Variants in NRG1 observed in about 807,000 individuals in gnomAD.
The protein encoded by NRG1 is pro-neuregulin-1, membrane-bound isoform.
NRG1 carries 18 observed loss-of-function variants against 63.8 expected under a neutral mutation model. That is an observed-to-expected ratio of 0.28 (90% confidence interval 0.19 to 0.42). The LOEUF (loss-of-function observed/expected upper bound fraction) is 0.42, where lower values mean the gene tolerates loss of function less well. Ranked by LOEUF, NRG1 falls within the 10% of genes least tolerant of loss-of-function variation. NRG1 has a pLI of 1.00. For synonymous variants in NRG1, 302 were observed against 301.3 expected, an observed-to-expected ratio of 1.00 and a Z score of -0.02; for missense variants, 762 against 814.7, an observed-to-expected ratio of 0.94 and a Z score of 0.79.
chr8:32,111,765 G>A (rs1200109959), intron 1 of NRG1, among the ~76,000 whole-genome samples: 4 of 152,232 alleles, frequency 2.6e-5, no homozygotes, highest in African/African-American at 7.2e-5. Flanking sequence ...AAAATTGAGC[G>A]AATCCCAGGA....
intron 1 of NRG1, among the ~76,000 whole-genome samples, chr8:31,828,925 T>C (rs1824841846): frequency 6.6e-6 from 1 of 152,198 alleles, no homozygotes. Flanking sequence ...TGAGTGTCAG[T>C]CATTTATTCA....
chr8:32,050,822 A>G (rs1308320837), intron 1 of NRG1, among the ~76,000 whole-genome samples: 1 of 152,174 alleles, frequency 6.6e-6, no homozygotes, highest in African/African-American at 2.4e-5. Context: ...ATGAAAGTTT[A>G]TGTGACAGAG....
intron 1 of NRG1, among the ~76,000 whole-genome samples, chr8:32,384,813 A>G (rs1251348198): frequency 2.6e-5 from 4 of 152,200 alleles, no homozygotes; most frequent in Non-Finnish European, 5.9e-5. Context: ...AAATTCCCCA[A>G]GTAACTTAGT....
At chr8:32,289,434 T>C (rs1049934832) in intron 1 of NRG1, among the ~76,000 whole-genome samples, 3 of 150,024 alleles carry the variant, frequency 2.0e-5, no homozygotes, top group Admixed American at 2.0e-4. Context: ...TGTTAACGTA[T>C]TAAAAAAAAA....
chr8:32,588,398 AT>A (rs1339883069), intron 1 of NRG1, among the ~76,000 whole-genome samples: 1 of 152,200 alleles, frequency 6.6e-6, no homozygotes, highest in Non-Finnish European at 1.5e-5. Context: ...GTAGCAGTTA[AT>A]TGTGAGAAGT....
chr8:31,647,312 C>T (rs13277456), intron 1 of NRG1, among the ~76,000 whole-genome samples: 74,416 of 152,058 alleles, frequency 0.49, 18,626 homozygotes, highest in African/African-American at 0.57. Context: ...TTCTTGTTTC[C>T]AATATCACAA....
intron 1 of NRG1, among the ~76,000 whole-genome samples, chr8:31,947,686 GTAATCCCA>G (rs1563603630): frequency 6.3e-4 from 96 of 152,132 alleles, no homozygotes; most frequent in African/African-American, 2.3e-3. Context: ...GCTCATGCCT[GTAATCCCA>G]GCATTTTAGG....
At chr8:32,308,472 T>C (rs1182049878) in intron 1 of NRG1, among the ~76,000 whole-genome samples, 2 of 152,218 alleles carry the variant, frequency 1.3e-5, no homozygotes, top group Non-Finnish European at 2.9e-5. Context: ...TTACTCATTG[T>C]TATGTCTTTG....
chr8:31,941,120 C>T (rs538908819), intron 1 of NRG1, among the ~76,000 whole-genome samples: 1 of 152,158 alleles, frequency 6.6e-6, no homozygotes, highest in African/African-American at 2.4e-5. Context: ...GTCAGTATCC[C>T]TGATGAACAT....
intron 1 of NRG1, among the ~76,000 whole-genome samples, chr8:32,159,848 A>G (rs1002507971): frequency 2.0e-5 from 3 of 152,088 alleles, no homozygotes; most frequent in East Asian, 1.9e-4. Flanking sequence ...TTAGAGATCA[A>G]CCGTTTCATG....
intron 1 of NRG1, among the ~76,000 whole-genome samples, chr8:32,455,076 G>A (rs796853345): frequency 2.6e-4 from 39 of 152,216 alleles, no homozygotes; most frequent in African/African-American, 7.9e-4. Flanking sequence ...ATCTTGGTTC[G>A]TGTAAGGACA....
At chr8:32,527,458 A>G (rs576019565) in intron 1 of NRG1, among the ~76,000 whole-genome samples, 4 of 152,142 alleles carry the variant, frequency 2.6e-5, no homozygotes, top group Admixed American at 2.6e-4. Flanking sequence ...TGGGAGCTAA[A>G]TATGTGTACC....
intron 1 of NRG1, among the ~76,000 whole-genome samples, chr8:31,925,454 C>G (rs1365337424): frequency 6.6e-6 from 1 of 151,848 alleles, no homozygotes; most frequent in East Asian, 1.9e-4. Context: ...TACTTTATGA[C>G]AAATTTATCG....
intron 1 of NRG1, among the ~76,000 whole-genome samples, chr8:32,234,762 G>A (rs970319575): frequency 6.6e-6 from 1 of 152,082 alleles, no homozygotes; most frequent in Non-Finnish European, 1.5e-5. Context: ...GAGGAAATGT[G>A]GTTTTTGTTC....
intron 5 of NRG1, chr8:32,721,980 T>C (rs912228622): frequency 1.9e-6 from 3 of 1,546,012 alleles, no homozygotes; most frequent in African/African-American, 1.4e-5. Context: ...ATTTTTTAAC[T>C]GGACTTCAAA....
chr8:32,739,868 GT>G (rs1317254220), intron 6 of NRG1, among the ~76,000 whole-genome samples: 2 of 151,958 alleles, frequency 1.3e-5, no homozygotes, highest in Non-Finnish European at 2.9e-5. Flanking sequence ...ATGTTCTTTT[GT>G]AAGAAACAAA....
chr8:32,639,307 A>G (rs1851886063), intron 5 of NRG1, among the ~76,000 whole-genome samples: 1 of 152,130 alleles, frequency 6.6e-6, no homozygotes, highest in African/African-American at 2.4e-5. Flanking sequence ...CTAGGAAGCC[A>G]AGACAGGAGA....
chr8:32,666,312 T>G (rs1193703666), intron 5 of NRG1, among the ~76,000 whole-genome samples: 3 of 152,172 alleles, frequency 2.0e-5, no homozygotes, highest in African/African-American at 7.2e-5. Context: ...GCTTCACCGC[T>G]TCAGACCCTG....
At chr8:32,470,801 CTT>C (rs1220044017) in intron 1 of NRG1, among the ~76,000 whole-genome samples, 3 of 146,018 alleles carry the variant, frequency 2.1e-5, no homozygotes, top group African/African-American at 7.5e-5. Context: ...CTCGTTGGGT[CTT>C]TTTTTTTTTC....
Sources: allele counts gnomAD v4.1 joint callset (sites outside exome capture counted in the v4.1 genomes callset), GRCh38; gene constraint gnomAD v4.1.1; transcripts MANE v1.5; gene names NCBI Gene and HGNC (gene_info 2026-07-23, HGNC 2026-07-21).